RARB: variants seen among roughly 807,000 people sequenced by gnomAD.
RARB encodes the protein retinoic acid receptor beta.
Under a neutral mutation model 51.9 loss-of-function variants are expected in RARB, and 17 were observed. The observed-to-expected ratio is 0.33, with a 90% CI of 0.22 to 0.49. RARB has a LOEUF of 0.49. Among genes scored for constraint, RARB ranks in the 20% least tolerant of loss-of-function variants. The pLI, the probability that RARB is intolerant of heterozygous loss-of-function variation, is 0.99. For missense variants in RARB, 369 were observed against 550.8 expected (o/e 0.67, Z 3.30); for synonymous variants, 215 against 195.4 (o/e 1.10, Z -0.84).
chr3:25,217,424 A>G (rs1701858022), intron 5 of RARB, among the ~76,000 whole-genome samples: 1 of 152,106 alleles, frequency 6.6e-6, no homozygotes, highest in Admixed American at 6.6e-5. Context: ...TATAGCCAAT[A>G]TTATGCCTGT....
chr3:25,012,712 T>G (rs944566099), intron 2 of RARB, among the ~76,000 whole-genome samples: 2 of 152,140 alleles, frequency 1.3e-5, no homozygotes, highest in Non-Finnish European at 2.9e-5. Flanking sequence ...ATGAGACACC[T>G]TATCTTATTT....
chr3:25,342,585 A>G (rs1033335482), intron 5 of RARB, among the ~76,000 whole-genome samples: 3 of 151,836 alleles, frequency 2.0e-5, no homozygotes, highest in Admixed American at 6.5e-5. Flanking sequence ...TCTTTTTTTT[A>G]TTCCTGGTTG....
intron 2 of RARB, among the ~76,000 whole-genome samples, chr3:24,890,868 G>GTT (rs529133748): frequency 5.6e-4 from 85 of 152,214 alleles, no homozygotes; most frequent in African/African-American, 2.0e-3. Context: ...TGCGGTTTGA[G>GTT]TTTGGGTCCA....
chr3:25,097,201 G>T (rs1388888380), intron 3 of RARB, among the ~76,000 whole-genome samples: 1 of 152,098 alleles, frequency 6.6e-6, no homozygotes, highest in African/African-American at 2.4e-5. Flanking sequence ...AACAATACAC[G>T]CATGACTTGA....
chr3:25,320,219 AG>A (rs1326859453), intron 5 of RARB, among the ~76,000 whole-genome samples: 2 of 152,154 alleles, frequency 1.3e-5, no homozygotes, highest in African/African-American at 2.4e-5. Context: ...GAACATTGCC[AG>A]GATGTTTTCA....
chr3:24,854,286 C>T (rs187472823), intron 1 of RARB, among the ~76,000 whole-genome samples: 4 of 152,284 alleles, frequency 2.6e-5, no homozygotes, highest in Non-Finnish European at 5.9e-5. Context: ...ATTTGCTGCT[C>T]AAACAACTCA....
intron 3 of RARB, among the ~76,000 whole-genome samples, chr3:25,538,936 C>A (rs1699252905): frequency 6.6e-6 from 1 of 152,198 alleles, no homozygotes; most frequent in African/African-American, 2.4e-5. Context: ...CCAGCATTTT[C>A]CAAGATACTA....
intron 3 of RARB, among the ~76,000 whole-genome samples, chr3:25,505,728 A>G (rs571977111): frequency 1.2e-3 from 180 of 152,274 alleles, no homozygotes; most frequent in African/African-American, 4.2e-3. Flanking sequence ...GTTTATGAAG[A>G]ATTGGAGAAG....
intron 2 of RARB, among the ~76,000 whole-genome samples, chr3:24,942,145 G>C (rs561518822): frequency 6.6e-6 from 1 of 152,134 alleles, no homozygotes; most frequent in Admixed American, 6.5e-5. Flanking sequence ...GCTATTATGC[G>C]GTAAAACTGG....
chr3:25,398,749 T>C (rs1707184427), intron 5 of RARB, among the ~76,000 whole-genome samples: 1 of 152,184 alleles, frequency 6.6e-6, no homozygotes, highest in Non-Finnish European at 1.5e-5. Flanking sequence ...CCATATTCCA[T>C]TACAAAGATA....
In RARB at chr3:24,989,879, A is replaced by AAGCTCCCC. The variant is rs1696874494; in HGVS notation, c.-379-70245_-379-70238dup. Reference sequence around the variant, plus strand: ...CAGTGGCGCAATCTCGGCTCACTGCAAGCTCCCCTTCCCGGGTTCACGCCA... The same window carrying AAGCTCCCC: ...CAGTGGCGCAATCTCGGCTCACTGCAAGCTCCCCAGCTCCCCTTCCCGGGTTCACGCCA... On this transcript the variant is annotated intron_variant, in intron 2 of 11. Transcript: ENST00000383772. Among the ~76,000 whole-genome samples the AAGCTCCCC allele has an allele frequency of 3.5e-5, 3 of 84,630 alleles. 1 individual carries two copies. Among genetic ancestry groups the AAGCTCCCC allele is most frequent in the Admixed American group, 3.6e-4 (2 of 5,558 alleles). 55.5% of individuals were successfully genotyped at this position (84,630 alleles called of 152,430 possible).
chr3:25,567,520 G>A (rs6795340), intron 3 of RARB, among the ~76,000 whole-genome samples: 44,679 of 151,924 alleles, frequency 0.29, 7,039 homozygotes, highest in African/African-American at 0.41. Context: ...CCATAAGGAC[G>A]TCCTAGATTC....
At chr3:24,946,658 C>T (rs1008700252) in intron 2 of RARB, among the ~76,000 whole-genome samples, 1 of 151,928 alleles carries the variant, frequency 6.6e-6, no homozygotes, top group African/African-American at 2.4e-5. Flanking sequence ...TACTTGAGCC[C>T]AGGAATTAGA....
chr3:25,094,741 A>AAG (rs1699263149), intron 3 of RARB, among the ~76,000 whole-genome samples: 1 of 147,880 alleles, frequency 6.8e-6, no homozygotes, highest in East Asian at 2.0e-4. Context: ...AAAAAAAAAA[A>AAG]GGAAACTGCA....
chr3:25,228,258 C>A (rs1287092827), intron 5 of RARB, among the ~76,000 whole-genome samples: 1 of 105,822 alleles, frequency 9.4e-6, no homozygotes, highest in East Asian at 2.8e-4. Context: ...TTGTACAGTT[C>A]TCTCTTTTAA....
intron 5 of RARB, among the ~76,000 whole-genome samples, chr3:25,328,171 C>T (rs1704780568): frequency 6.6e-6 from 1 of 152,190 alleles, no homozygotes; most frequent in Non-Finnish European, 1.5e-5. Flanking sequence ...TAAGGAATGG[C>T]AATACAAGAT....
intron 2 of RARB, among the ~76,000 whole-genome samples, chr3:24,880,473 T>A (rs1703137842): frequency 6.6e-6 from 1 of 152,056 alleles, no homozygotes; most frequent in African/African-American, 2.4e-5. Context: ...ATTCAAGTAG[T>A]TATGGTGGGG....
At chr3:25,482,210 A>C (rs1286362341) in intron 2 of RARB, among the ~76,000 whole-genome samples, 1 of 152,154 alleles carries the variant, frequency 6.6e-6, no homozygotes, top group Admixed American at 6.5e-5. Context: ...TTCTATATTC[A>C]AGTGGTATGT....
chr3:25,304,499 A>G (rs1165749915), intron 5 of RARB, among the ~76,000 whole-genome samples: 1 of 152,094 alleles, frequency 6.6e-6, no homozygotes, highest in Non-Finnish European at 1.5e-5. Context: ...AGACTTTTTC[A>G]TCGGCCTTGA....
Sources: allele counts gnomAD v4.1 joint callset (sites outside exome capture counted in the v4.1 genomes callset), GRCh38; gene constraint gnomAD v4.1.1; transcripts MANE v1.5; gene names NCBI Gene and HGNC (gene_info 2026-07-23, HGNC 2026-07-21).